TCP11L1: variants seen among roughly 807,000 people sequenced by gnomAD.
TCP11L1 encodes T-complex protein 11-like protein 1.
TCP11L1 carries 28 observed loss-of-function variants against 48.9 expected under a neutral mutation model. The ratio of observed to expected loss-of-function variants is 0.57; its 90% CI spans 0.42 to 0.78. The LOEUF is 0.78. TCP11L1 is among the 30% of genes least tolerant of loss of function. The probability of loss-of-function intolerance (pLI) is 0.00; values close to 1 mark genes in which losing one functional copy is unlikely to be tolerated. For missense variants in TCP11L1, 505 were observed against 613.4 expected, an observed-to-expected ratio of 0.82 and a Z score of 1.87; for synonymous variants, 204 against 231.9, an observed-to-expected ratio of 0.88 and a Z score of 1.09.
intron 9 of TCP11L1, among the ~76,000 whole-genome samples, chr11:33,069,924 A>G (rs576267309): frequency 6.6e-6 from 1 of 152,142 alleles, no homozygotes; most frequent in African/African-American, 2.4e-5. Context: ...TATACTCACA[A>G]CCTTCATAGG....
chr11:33,063,247 T>A (rs1854516560), intron 7 of TCP11L1, among the ~76,000 whole-genome samples: 2 of 152,218 alleles, frequency 1.3e-5, no homozygotes, highest in African/African-American at 2.4e-5. Context: ...TGACAAACAT[T>A]TGGGTTGTTA....
In TCP11L1 at chr11:33,072,609, A is replaced by G. The variant is rs1854828190; in HGVS notation, c.1463A>G (p.Asn488Ser). Residue 488 changes from asparagine to serine, a missense_variant, in exon 10 of 10, where the codon AAC becomes AGC. Physicochemically the swap from Asn to Ser is conservative, Grantham distance 46. This residue lies in a region of TCP11L1 where 335 missense variants were observed against 413.3 expected (regional missense o/e 0.81). Coordinates refer to ENST00000334274, the MANE Select transcript of TCP11L1 (RefSeq NM_018393.4). The part of the protein sequence containing the change: ...EVAIKFARLV[N>S]YNKMVFCPYY... The stretch of plus-strand genomic sequence containing the variant: ...GCTATTAAATTTGCTCGCCTGGTCA[A>G]CTATAACAAGATGGTCTTCTGTCCC... 2.5e-6 allele frequency: 4 copies of G among 1,614,046 alleles called. No homozygotes were observed. Among genetic ancestry groups the G allele is most frequent in the South Asian group, 1.1e-5 (1 of 91,086 alleles).
chr11:33,062,991 C>G (rs1185645423), intron 7 of TCP11L1, among the ~76,000 whole-genome samples: 1 of 152,144 alleles, frequency 6.6e-6, no homozygotes. Context: ...TCCTGGGTAG[C>G]TAGGACTACA....
intron 2 of TCP11L1, among the ~76,000 whole-genome samples, chr11:33,044,893 C>T (rs1382402147): frequency 6.6e-6 from 1 of 152,100 alleles, no homozygotes; most frequent in Non-Finnish European, 1.5e-5. Flanking sequence ...CTTCTGTTTT[C>T]CTGTCTTTAA....
At chr11:33,058,829 C>T in intron 5 of TCP11L1, 130 bp from the exon 6 acceptor site, 1 of 938,840 alleles carries the variant, frequency 1.1e-6, no homozygotes, top group South Asian at 1.9e-5. Context: ...CTCCTGGGCT[C>T]AAGCAGTCCT....
Position 33,054,647 on chromosome 11 carries a change from T to C in TCP11L1, c.218T>C (p.Val73Ala). 6.2e-7 allele frequency: 1 copy of C among 1,613,954 alleles called. No homozygotes were observed. Among genetic ancestry groups the C allele is most frequent in the South Asian group, 1.1e-5 (1 of 91,028 alleles). The stretch of plus-strand genomic sequence containing the variant: ...GAACTTCTAGAGACAGCGAGAGGTG[T>C]CACCAACATGGCTCTAGCCCATGAA... Reference protein sequence around the residue: ...VEELLETARGVTNMALAHEIV... With the variant: ...VEELLETARGATNMALAHEIV... Residue 73 changes from valine to alanine, a missense_variant, in exon 3 of 10, where the codon GTC becomes GCC. Physicochemically the swap from Val to Ala is moderately conservative, Grantham distance 64 (BLOSUM62 0). Transcript: ENST00000334274.
chr11:33,066,985 A>G (rs202158283), intron 8 of TCP11L1, among the ~76,000 whole-genome samples: 11 of 149,310 alleles, frequency 7.4e-5, no homozygotes, highest in Non-Finnish European at 1.6e-4. Flanking sequence ...AAAAAAAAAA[A>G]TTGGTTGCTA....
chr11:33,068,543 G>C, intron 8 of TCP11L1, 144 bp from the exon 9 acceptor site: 1 of 994,788 alleles, frequency 1.0e-6, no homozygotes, highest in East Asian at 2.4e-5. Context: ...TGAGAGGTAA[G>C]GTGGCAGGGA....
intron 7 of TCP11L1, among the ~76,000 whole-genome samples, chr11:33,063,301 A>G (rs1854517944): frequency 6.6e-6 from 1 of 152,216 alleles, no homozygotes; most frequent in African/African-American, 2.4e-5. Context: ...AAGTTTTTGC[A>G]TGGACATATG....
intron 7 of TCP11L1, 70 bp from the exon 8 acceptor site, chr11:33,065,760 G>A: frequency 1.9e-6 from 3 of 1,545,116 alleles, no homozygotes; most frequent in Non-Finnish European, 2.6e-6. Flanking sequence ...TGTGGGGGCT[G>A]TGGCGCTCCC....
At chr11:33,053,439 A>T (rs1221550252) in intron 2 of TCP11L1, among the ~76,000 whole-genome samples, 3 of 150,676 alleles carry the variant, frequency 2.0e-5, no homozygotes, top group Non-Finnish European at 4.4e-5. Flanking sequence ...GCCTTGCCTT[A>T]TCATAGGCTT....
At chr11:33,057,263 T>C in intron 4 of TCP11L1, 28 bp downstream of exon 4, 1 of 1,614,098 alleles carries the variant, frequency 6.2e-7, no homozygotes, top group Non-Finnish European at 8.5e-7. Flanking sequence ...TTGTGATGCT[T>C]TTCTGGTGTG....
chr11:33,061,509 G>A lies in TCP11L1; in HGVS notation c.776-21G>A, dbSNP rs77439350. 876 of 1,580,376 alleles carry A rather than the reference G, an allele frequency of 5.5e-4. 3 individuals are homozygous for A. The African/African-American group carries it at 8.8e-3, about 16-fold the overall frequency. On this transcript the variant is annotated intron_variant, in intron 6 of 9. Coordinates refer to ENST00000334274, the MANE Select transcript of TCP11L1 (RefSeq NM_018393.4). ...TCCCTTCTTGGTGTCAAGGTAATGT[G>A]TGCAGCTTTGTTTTTCACAGATTCC...
At chr11:33,065,628 G>A (rs1438274791) in intron 7 of TCP11L1, among the ~76,000 whole-genome samples, 11 of 152,190 alleles carry the variant, frequency 7.2e-5, no homozygotes, top group Admixed American at 7.2e-4. Flanking sequence ...TTCTTAGTGA[G>A]GGCGCTATAC....
rs748685586 is a variant in TCP11L1, at chr11:33,065,983, A to C, written c.1126A>C (p.Lys376Gln). ...DFAEKLKMIV[K>Q]ILLTDMHLPS... ...TGCTGAGAAACTCAAGATGATTGTG[A>C]AGATTTTGCTAACAGATATGCACCT... Residue 376 changes from lysine (K) to glutamine (Q), a missense_variant, in exon 8 of 10, where the codon AAG becomes CAG. By Grantham distance (53) the Lys-to-Gln change is moderately conservative. Around this residue, in one of 3 missense-constraint regions of TCP11L1, gnomAD observed 335 missense variants for 413.3 expected, o/e 0.81. Coordinates refer to ENST00000334274, the MANE Select transcript of TCP11L1 (RefSeq NM_018393.4). 7 of 1,614,140 alleles carry C rather than the reference A, an allele frequency of 4.3e-6. No individual in the cohort carries two copies. The highest frequency in any genetic ancestry group is 1.1e-5 in the South Asian group (1 of 91,082).
intron 2 of TCP11L1, among the ~76,000 whole-genome samples, chr11:33,046,290 A>G (rs946745843): frequency 8.5e-5 from 13 of 152,388 alleles, no homozygotes; most frequent in African/African-American, 2.6e-4. Context: ...TAATTTTTTT[A>G]AACAATTTTA....
chr11:33,072,724 C>T lies in TCP11L1; in HGVS notation c.*48C>T, dbSNP rs774680921. On this transcript the variant is annotated 3_prime_UTR_variant, in exon 10 of 10. Coordinates refer to ENST00000334274, the MANE Select transcript of TCP11L1 (RefSeq NM_018393.4). ...AGTATTACTCACTAGCCACAGAATA[C>T]CTGTTCTGTACTCTAATGTTGCATT... 5 of 1,587,640 alleles carry T rather than the reference C, an allele frequency of 3.1e-6. No homozygotes were observed. The highest frequency in any genetic ancestry group is 4.3e-6 in the Non-Finnish European group (5 of 1,156,540).
chr11:33,068,590 A>G, intron 8 of TCP11L1, 97 bp from the exon 9 acceptor site: 1 of 1,435,770 alleles, frequency 7.0e-7, no homozygotes, highest in Non-Finnish European at 9.6e-7. Context: ...ACACAAATCC[A>G]GTTATTGGTG....
At chr11:33,047,913 T>C (rs1218905161) in intron 2 of TCP11L1, among the ~76,000 whole-genome samples, 2 of 152,218 alleles carry the variant, frequency 1.3e-5, no homozygotes, top group Admixed American at 1.3e-4. Context: ...GTCCGTCCAC[T>C]TATGTAACTA....
Sources: allele counts gnomAD v4.1 joint callset (sites outside exome capture counted in the v4.1 genomes callset), GRCh38; gene constraint gnomAD v4.1.1; regional missense constraint gnomAD v4.1.1; transcripts MANE v1.5; gene names NCBI Gene and HGNC (gene_info 2026-07-23, HGNC 2026-07-21).